The following SPHKAP variants were observed in gnomAD, a reference collection of about 807,000 sequenced individuals.
SPHKAP encodes the protein SPHK1 interactor, AKAP domain containing.
SPHKAP carries 67 observed loss-of-function variants against 137.5 expected under a neutral mutation model. The observed-to-expected ratio is 0.49, with a 90% confidence interval of 0.40 to 0.60. The LOEUF (loss-of-function observed/expected upper bound fraction) is 0.60. Ranked by LOEUF, SPHKAP falls within the 20% of genes least tolerant of loss-of-function variation. The probability of loss-of-function intolerance (pLI) is 0.00; values close to 1 mark genes in which losing one functional copy is unlikely to be tolerated. For synonymous variants in SPHKAP, 813 were observed against 785.3 expected, an observed-to-expected ratio of 1.04 and a Z score of -0.59; for missense variants, 2,097 against 2,069.3, an observed-to-expected ratio of 1.01 and a Z score of -0.26.
chr2:228,090,151 C>T (rs1015079674), intron 3 of SPHKAP, among the ~76,000 whole-genome samples: 6 of 152,156 alleles, frequency 3.9e-5, no homozygotes, highest in Non-Finnish European at 8.8e-5. Flanking sequence ...ATGGGGGCTG[C>T]ACCCTGCAAA....
Position 228,021,723 on chromosome 2 carries a change from C to A in SPHKAP, c.685G>T (p.Glu229Ter). Residue 229 changes from glutamate (E) to a stop codon, truncating the protein, a stop_gained, in exon 6 of 12, where the codon GAA becomes TAA. Coordinates refer to ENST00000392056, the MANE Select transcript of SPHKAP (RefSeq NM_001142644.2). LOFTEE classifies it high-confidence loss of function. ...EHLEEESEVD[E>*]SRNDYENINV... The stretch of plus-strand genomic sequence containing the variant: ...GGAAAGTTCTCACCGTTCCTAGATT[C>A]ATCCACCTCGCTTTCCTCCTCCAAG... 6.2e-7 allele frequency: 1 copy of A among 1,612,670 alleles called. No homozygotes were observed. Among genetic ancestry groups the A allele is most frequent in the South Asian group, 1.1e-5 (1 of 90,720 alleles).
At chr2:227,997,761 G>T (rs1693689641) in intron 7 of SPHKAP, among the ~76,000 whole-genome samples, 1 of 152,156 alleles carries the variant, frequency 6.6e-6, no homozygotes, top group Non-Finnish European at 1.5e-5. Context: ...GGCTTCCTGA[G>T]TCACATTCTA....
chr2:228,101,966 C>T (rs1197147330), intron 3 of SPHKAP, among the ~76,000 whole-genome samples: 1 of 152,216 alleles, frequency 6.6e-6, no homozygotes, highest in Admixed American at 6.5e-5. Flanking sequence ...CTCCCCCTGT[C>T]AGTTGCTGAG....
intron 3 of SPHKAP, among the ~76,000 whole-genome samples, chr2:228,104,285 T>TA (rs1559175387): frequency 2.5e-5 from 2 of 81,234 alleles, no homozygotes; most frequent in East Asian, 4.2e-4. Context: ...TTATATATCA[T>TA]TATATCATAT....
At chr2:228,013,330 C>A (rs1199814626) in intron 7 of SPHKAP, among the ~76,000 whole-genome samples, 6 of 152,190 alleles carry the variant, frequency 3.9e-5, no homozygotes, top group Admixed American at 3.9e-4. Context: ...CGGCTCACTG[C>A]AACCTCCACC....
At chr2:228,134,635 T>C (rs1699378638) in intron 1 of SPHKAP, among the ~76,000 whole-genome samples, 1 of 152,186 alleles carries the variant, frequency 6.6e-6, no homozygotes, top group Admixed American at 6.5e-5. Context: ...CTAAATAGTT[T>C]ACATGTGGAA....
At chr2:228,128,361 C>T (rs1699141752) in intron 2 of SPHKAP, among the ~76,000 whole-genome samples, 1 of 152,188 alleles carries the variant, frequency 6.6e-6, no homozygotes, top group Non-Finnish European at 1.5e-5. Context: ...ATTCCTCATT[C>T]CTTCAAGATC....
At chr2:228,046,830 C>T (rs1473384474) in intron 3 of SPHKAP, among the ~76,000 whole-genome samples, 3 of 152,166 alleles carry the variant, frequency 2.0e-5, no homozygotes, top group Non-Finnish European at 2.9e-5. Flanking sequence ...AAAAGACCCC[C>T]CTCCTTGGGC....
intron 7 of SPHKAP, among the ~76,000 whole-genome samples, chr2:228,013,374 C>G (rs1283787062): frequency 6.6e-6 from 1 of 152,158 alleles, no homozygotes; most frequent in East Asian, 1.9e-4. Flanking sequence ...TCTCAGCCCC[C>G]CAAGTAGCTG....
In SPHKAP at chr2:228,110,864, G is replaced by A. The variant is rs369065418; in HGVS notation, c.139-1925C>T. 2.0e-5 allele frequency among the ~76,000 whole-genome samples: 3 copies of A among 151,656 alleles called. No individual in the cohort carries two copies. The East Asian group carries it at 5.8e-4, about 29-fold the overall frequency. On this transcript the variant is annotated intron_variant, in intron 2 of 11. Coordinates refer to ENST00000392056, the MANE Select transcript of SPHKAP (RefSeq NM_001142644.2). ...ATTTTTCTTAAAAATATGTTATATAGGATAATGTGTTTATTATTATTTTAA... is the reference window on the plus strand; with the variant it reads ...ATTTTTCTTAAAAATATGTTATATAAGATAATGTGTTTATTATTATTTTAA...
intron 3 of SPHKAP, among the ~76,000 whole-genome samples, chr2:228,055,726 GC>G (rs1696415589): frequency 1.4e-4 from 21 of 152,318 alleles, no homozygotes; most frequent in Admixed American, 1.1e-3. Flanking sequence ...AGTGATGGCA[GC>G]CTCAGCTGCC....
At chr2:227,987,796 C>A (rs927855238) in intron 11 of SPHKAP, among the ~76,000 whole-genome samples, 4 of 152,120 alleles carry the variant, frequency 2.6e-5, no homozygotes, top group African/African-American at 9.7e-5. Flanking sequence ...ACATACCTCC[C>A]TTTTCACAAG....
chr2:228,142,483 A>C (rs1007903606), intron 1 of SPHKAP, among the ~76,000 whole-genome samples: 1 of 152,110 alleles, frequency 6.6e-6, no homozygotes, highest in African/African-American at 2.4e-5. Flanking sequence ...AAAAAAAAAA[A>C]AGAAGGATTA....
chr2:228,034,549 A>G (rs1695499339), intron 3 of SPHKAP, among the ~76,000 whole-genome samples: 1 of 152,212 alleles, frequency 6.6e-6, no homozygotes, highest in East Asian at 1.9e-4. Context: ...CATCATCCTG[A>G]TACCAAAGCC....
At chr2:228,122,774 A>G (rs1352741943) in intron 2 of SPHKAP, among the ~76,000 whole-genome samples, 2 of 152,158 alleles carry the variant, frequency 1.3e-5, no homozygotes, top group Non-Finnish European at 2.9e-5. Context: ...CCTGATGTTG[A>G]TGTGGCTCAG....
At chr2:228,032,961 C>G (rs1371626245) in intron 3 of SPHKAP, among the ~76,000 whole-genome samples, 3 of 152,208 alleles carry the variant, frequency 2.0e-5, no homozygotes. Flanking sequence ...AGGAAGAAAA[C>G]TGCATCAACT....
At chr2:228,164,976 G>T (rs1180193287) in intron 1 of SPHKAP, among the ~76,000 whole-genome samples, 4 of 152,078 alleles carry the variant, frequency 2.6e-5, no homozygotes, top group African/African-American at 4.8e-5. Context: ...ATGAGAAGGG[G>T]GTGGACTCTA....
chr2:228,011,734 T>C (rs1694380519), intron 7 of SPHKAP, among the ~76,000 whole-genome samples: 1 of 152,220 alleles, frequency 6.6e-6, no homozygotes, highest in African/African-American at 2.4e-5. Context: ...TTGTATCTAT[T>C]ATACGGGGTA....
intron 2 of SPHKAP, among the ~76,000 whole-genome samples, chr2:228,125,406 T>C (rs990422853): frequency 2.0e-5 from 3 of 152,240 alleles, no homozygotes; most frequent in African/African-American, 7.2e-5. Flanking sequence ...TAAAAGATTA[T>C]TTATTTAGAA....
Sources: allele counts gnomAD v4.1 joint callset (sites outside exome capture counted in the v4.1 genomes callset), GRCh38; gene constraint gnomAD v4.1.1; transcripts MANE v1.5; gene names NCBI Gene and HGNC (gene_info 2026-07-23, HGNC 2026-07-21).